The following USH2A variants were observed in gnomAD, a reference collection of about 807,000 sequenced individuals.
The protein encoded by USH2A is Usher syndrome 2A (autosomal recessive, mild).
A neutral mutation model predicts 538.9 loss-of-function variants in USH2A; 443 were observed. That is an observed-to-expected ratio of 0.82 (90% CI 0.76 to 0.89). The LOEUF is 0.89. USH2A is among the 40% of genes least tolerant of loss of function. The probability of loss-of-function intolerance (pLI) is 0.00; values close to 1 mark genes in which losing one functional copy is unlikely to be tolerated. For synonymous variants in USH2A, 2,413 were observed against 2,273.5 expected, an observed-to-expected ratio of 1.06 and a Z score of -1.75; for missense variants, 6,633 against 6,324.8, an observed-to-expected ratio of 1.05 and a Z score of -1.65.
chr1:216,414,269 G>A (rs2039540981), intron 3 of USH2A, among the ~76,000 whole-genome samples: 1 of 151,884 alleles, frequency 6.6e-6, no homozygotes, highest in East Asian at 1.9e-4. Flanking sequence ...AAACCCCAAA[G>A]TAAAATTTCA....
At chr1:215,748,489 G>A (rs1342953355) in intron 58 of USH2A, among the ~76,000 whole-genome samples, 2 of 152,184 alleles carry the variant, frequency 1.3e-5, no homozygotes, top group East Asian at 1.9e-4. Context: ...AAGATAAAAA[G>A]CAAGACCTTA....
chr1:215,983,166 G>C (rs1454143830), intron 35 of USH2A, among the ~76,000 whole-genome samples: 1 of 152,054 alleles, frequency 6.6e-6, no homozygotes, highest in Non-Finnish European at 1.5e-5. Flanking sequence ...GGCCAGGCTG[G>C]TCTTGAACTC....
intron 44 of USH2A, among the ~76,000 whole-genome samples, chr1:215,852,358 C>T (rs1459930421): frequency 1.3e-5 from 2 of 152,146 alleles, no homozygotes; most frequent in African/African-American, 4.8e-5. Flanking sequence ...AAGACCCGCC[C>T]CCATGATTCA....
In USH2A at chr1:215,930,977, G is replaced by T. The variant is rs138999887; in HGVS notation, c.7300+3639C>A. Among the ~76,000 whole-genome samples the T allele has an allele frequency of 9.8e-3, 1,494 of 151,802 alleles. 20 individuals carry two copies. The highest frequency in any genetic ancestry group is 0.035 in the African/African-American group (1,442 of 41,424). ...CCAAGAATACCTTAGTGCTAAATATGAGCATTATGTTATTACAAACAACCT... is the reference window on the plus strand; with the variant it reads ...CCAAGAATACCTTAGTGCTAAATATTAGCATTATGTTATTACAAACAACCT... On this transcript the variant is annotated intron_variant, in intron 38 of 71. Transcript: ENST00000307340.
intron 32 of USH2A, among the ~76,000 whole-genome samples, chr1:216,044,137 T>C (rs1278992948): frequency 6.6e-6 from 1 of 152,084 alleles, no homozygotes; most frequent in Non-Finnish European, 1.5e-5. Context: ...GGCAAACCGA[T>C]GAACAAACAA....
intron 21 of USH2A, among the ~76,000 whole-genome samples, chr1:216,173,279 G>A (rs967149923): frequency 6.6e-6 from 1 of 152,090 alleles, no homozygotes; most frequent in Non-Finnish European, 1.5e-5. Flanking sequence ...TCAGCCAAAG[G>A]ATCAAACCAA....
At position 216,394,962 on chromosome 1, in the gene USH2A, G is replaced by C. The variant is rs539903927; in HGVS notation, c.651+23552C>G. 3.8e-4 allele frequency among the ~76,000 whole-genome samples: 57 copies of C among 151,938 alleles called. No individual in the cohort carries two copies. The East Asian group carries it at 4.1e-3, about 11-fold the overall frequency. On this transcript the variant is annotated intron_variant, in intron 3 of 71. Transcript: ENST00000307340. ...CTCGCTCTCCTGACCTTGTGATCCA[G>C]CCGCCTCGGCCTCCCAAAGTGCTGG...
chr1:215,905,060 G>A (rs12562080), intron 38 of USH2A, among the ~76,000 whole-genome samples: 74,953 of 151,826 alleles, frequency 0.49, 19,049 homozygotes, highest in East Asian at 0.68. Context: ...TAAAACAAAC[G>A]AAAAAATATA....
chr1:215,663,180 A>T (rs1260427800), intron 64 of USH2A, among the ~76,000 whole-genome samples: 1 of 152,200 alleles, frequency 6.6e-6, no homozygotes, highest in African/African-American at 2.4e-5. Context: ...TTGTTGATAT[A>T]GACAAAAGAA....
chr1:215,716,524 C>G (rs1558067064), intron 61 of USH2A, among the ~76,000 whole-genome samples: 1 of 152,230 alleles, frequency 6.6e-6, no homozygotes, highest in Non-Finnish European at 1.5e-5. Flanking sequence ...AAATAAAACT[C>G]TGTATCATAA....
rs1558047972 is a variant in USH2A, at chr1:215,674,511, G to T, written c.13400C>A (p.Pro4467Gln). The T allele has an allele frequency of 6.2e-7, 1 of 1,614,128 alleles. No homozygotes were observed. The highest frequency in any genetic ancestry group is 2.2e-5 in the East Asian group (1 of 44,868). ...SESIEITWKP[P>Q]RNPNGQIRSY... ...TCTGATCTGGCCATTTGGGTTTCTT[G>T]GAGGTTTCCAGGTGATTTCTATTGA... The change falls in exon 63 of 72, where the codon CCA becomes CAA. Residue 4467 changes from proline (P) to glutamine (Q), a missense_variant. Transcript: ENST00000307340.
rs1316870951 is a variant in USH2A, at chr1:216,097,341, T to C, written c.4628-128A>G. Reference sequence around the variant, plus strand: ...AGTCAGGAAATTATACACAGCAATATACTCGCATGGTCTAGGCCATTTGGT... The same window carrying C: ...AGTCAGGAAATTATACACAGCAATACACTCGCATGGTCTAGGCCATTTGGT... On this transcript the variant is annotated intron_variant, in intron 21 of 71. Transcript: ENST00000307340. 8 of 1,521,878 alleles carry C rather than the reference T, an allele frequency of 5.3e-6. No homozygotes were observed. The Admixed American group carries it at 9.1e-5, about 17-fold the overall frequency. The allele number at this position is 1,521,878 out of a possible 1,614,324, so 94.3% of individuals were successfully genotyped here.
intron 32 of USH2A, among the ~76,000 whole-genome samples, chr1:216,008,433 A>C (rs1298807662): frequency 1.3e-5 from 2 of 150,090 alleles, no homozygotes; most frequent in African/African-American, 4.9e-5. Context: ...AAACGGCCCC[A>C]CCCCTATCTC....
At chr1:216,186,628 T>C (rs998518199) in intron 20 of USH2A, among the ~76,000 whole-genome samples, 4 of 151,992 alleles carry the variant, frequency 2.6e-5, no homozygotes, top group South Asian at 2.1e-4. Flanking sequence ...CCCATCTATA[T>C]GCAGATGAAT....
At position 215,879,194 on chromosome 1, in the gene USH2A, A is replaced by C. The variant is rs368999164; in HGVS notation, c.8224-96T>G. The C allele has an allele frequency of 8.1e-4, 881 of 1,086,400 alleles. 15 individuals are homozygous for C. The South Asian group carries it at 0.011, about 13-fold the overall frequency. 67.3% of individuals were successfully genotyped at this position (1,086,400 alleles called of 1,614,324 possible). On this transcript the variant is annotated intron_variant, in intron 41 of 71. Transcript: ENST00000307340. ...AGAATTTTGCTCTTGTTTTCAGTTA[A>C]GTCATTTTCTAAATGGCTACATTCT...
chr1:216,144,832 C>A (rs1054194134), intron 21 of USH2A, among the ~76,000 whole-genome samples: 1 of 152,184 alleles, frequency 6.6e-6, no homozygotes, highest in African/African-American at 2.4e-5. Context: ...CTGTCCCTAA[C>A]CCTGAGTCCC....
At chr1:216,375,221 G>A (rs1267608650) in intron 3 of USH2A, among the ~76,000 whole-genome samples, 2 of 152,116 alleles carry the variant, frequency 1.3e-5, no homozygotes, top group African/African-American at 2.4e-5. Context: ...TTGGAGCTTT[G>A]AAACTAGGCA....
chr1:216,042,053 T>C (rs1571910996), intron 32 of USH2A, among the ~76,000 whole-genome samples: 1 of 151,992 alleles, frequency 6.6e-6, no homozygotes, highest in Non-Finnish European at 1.5e-5. Context: ...TTAGATACTA[T>C]TGCTCAAATG....
In USH2A at chr1:216,119,791, G is replaced by A. The variant is rs796529235; in HGVS notation, c.4628-22578C>T. On this transcript the variant is annotated intron_variant, in intron 21 of 71. Transcript: ENST00000307340. ...AGTTGTGATACAAACCATTAACAGT[G>A]CCATCTGTTGGTAGCAGGCAATGTT... 2.0e-4 allele frequency among the ~76,000 whole-genome samples: 30 copies of A among 152,186 alleles called. 1 individual carries two copies. Among genetic ancestry groups the A allele is most frequent in the African/African-American group, 7.0e-4 (29 of 41,540 alleles).
Sources: allele counts gnomAD v4.1 joint callset (sites outside exome capture counted in the v4.1 genomes callset), GRCh38; gene constraint gnomAD v4.1.1; transcripts MANE v1.5; gene names NCBI Gene and HGNC (gene_info 2026-07-23, HGNC 2026-07-21).